The following GBP2 variants were observed in gnomAD, a reference collection of about 807,000 sequenced individuals.
The protein encoded by GBP2 is guanylate-binding protein 2.
In GBP2, 54 loss-of-function variants were observed where a neutral mutation model predicts 60.8. The observed-to-expected ratio is 0.89, with a 90% CI of 0.71 to 1.11. The LOEUF (loss-of-function observed/expected upper bound fraction) is 1.11. GBP2 is among the 50% of genes most tolerant of loss of function. The pLI is 0.00. For missense variants in GBP2, 665 were observed against 703.3 expected, an observed-to-expected ratio of 0.95 and a Z score of 0.62; for synonymous variants, 243 against 256.5, an observed-to-expected ratio of 0.95 and a Z score of 0.50.
intron 9 of GBP2, 97 bp downstream of exon 9, chr1:89,110,067 A>T (rs1570315778): frequency 5.0e-6 from 5 of 994,596 alleles, no homozygotes; most frequent in Non-Finnish European, 6.1e-6. Flanking sequence ...GATACTTGCC[A>T]TTCTTTCTCT....
chr1:89,111,966 T>A (rs989043542), intron 8 of GBP2, among the ~76,000 whole-genome samples: 1 of 152,034 alleles, frequency 6.6e-6, no homozygotes, highest in Non-Finnish European at 1.5e-5. Flanking sequence ...AGTAAAAAAA[T>A]AAAAAAATTA....
chr1:89,117,295 T>C lies in GBP2; in HGVS notation c.626-61A>G. ...AATTAATTACTTCAAATATGATCTT[T>C]CAATTTTATAATTTTCACAAAGCCC... On this transcript the variant is annotated intron_variant, in intron 5 of 10. Transcript: ENST00000370466. 2.8e-6 allele frequency: 4 copies of C among 1,412,524 alleles called. 1 individual carries two copies. In the South Asian group the frequency reaches 5.0e-5, roughly 18 times the overall value. The allele number at this position is 1,412,524 out of a possible 1,614,324, so 87.5% of individuals were successfully genotyped here.
chr1:89,125,068 C>T (rs942975269), intron 1 of GBP2, among the ~76,000 whole-genome samples: 2 of 152,152 alleles, frequency 1.3e-5, no homozygotes, highest in East Asian at 1.9e-4. Context: ...GAGCAAGAAG[C>T]CTTCCTGTAG....
chr1:89,119,753 A>G (rs946067714), intron 4 of GBP2: 1 of 158,214 alleles, frequency 6.3e-6, no homozygotes, highest in African/African-American at 2.4e-5. Flanking sequence ...TATGCAAGGT[A>G]TGGGATTAAA....
At position 89,114,273 on chromosome 1, in the gene GBP2, A is replaced by G. The variant is rs905771145; in HGVS notation, c.892T>C (p.Tyr298His). 6.2e-7 allele frequency: 1 copy of G among 1,614,152 alleles called. No homozygotes were observed. Among genetic ancestry groups the G allele is most frequent in the African/African-American group, 1.3e-5 (1 of 74,956 alleles). Residue 298 changes from tyrosine (Y) to histidine (H), a missense_variant, in exon 7 of 11, where the codon TAC (tyrosine) becomes CAC (histidine). Coordinates refer to ENST00000370466, the MANE Select transcript of GBP2 (RefSeq NM_004120.5). ...GPRLESLVLT[Y>H]VNAISSGDLP... ...TCCCCACTGCTGATGGCATTGACGTAGGTCAGCACCAGGCTCTCTAGACCT... is the reference window on the plus strand; with the variant it reads ...TCCCCACTGCTGATGGCATTGACGTGGGTCAGCACCAGGCTCTCTAGACCT...
intron 6 of GBP2, among the ~76,000 whole-genome samples, chr1:89,114,523 GGGCTGA>G (rs1260471354): frequency 2.0e-5 from 3 of 152,102 alleles, no homozygotes; most frequent in Non-Finnish European, 2.9e-5. Flanking sequence ...GGATATTTTG[GGGCTGA>G]GATACTAGGT....
intron 3 of GBP2, 84 bp downstream of exon 3, chr1:89,121,059 T>G: frequency 9.7e-7 from 1 of 1,027,086 alleles, no homozygotes. Context: ...GGAGTGATTG[T>G]GCAAAGATGG....
intron 2 of GBP2, 27 bp from the exon 3 acceptor site, chr1:89,121,297 A>G: frequency 6.4e-7 from 1 of 1,571,500 alleles, no homozygotes; most frequent in South Asian, 1.2e-5. Context: ...TAAAAGGGAA[A>G]AGAAATTACT....
chr1:89,108,990 G>C (rs1681107653), intron 10 of GBP2, among the ~76,000 whole-genome samples: 2 of 151,806 alleles, frequency 1.3e-5, no homozygotes, highest in Admixed American at 6.6e-5. Context: ...CCGCCTCCCA[G>C]GTTCAAGCGA....
intron 4 of GBP2, 105 bp from the exon 5 acceptor site, chr1:89,117,878 A>T: frequency 1.2e-6 from 1 of 844,824 alleles, no homozygotes; most frequent in Non-Finnish European, 1.8e-6. Flanking sequence ...TAGCTCATTC[A>T]TTCATTCACA....
intron 1 of GBP2, among the ~76,000 whole-genome samples, chr1:89,122,545 C>T (rs1049700758): frequency 1.3e-5 from 2 of 152,070 alleles, no homozygotes; most frequent in African/African-American, 4.8e-5. Context: ...TGAAGTTATA[C>T]ATTTTTTTTT....
At position 89,109,842 on chromosome 1, in the gene GBP2, T is replaced by C. The variant is rs747411568; in HGVS notation, c.1494A>G (p.Glu498=). 1 of 1,613,814 alleles carries C rather than the reference T, an allele frequency of 6.2e-7. No individual in the cohort carries two copies. Among genetic ancestry groups the C allele is most frequent in the Admixed American group, 1.7e-5 (1 of 60,024 alleles). Residue 498 remains glutamate (E), a synonymous_variant, in exon 10 of 11, where the codon GAA becomes GAG. Transcript: ENST00000370466. ...TTTCCTCCAACATTTTCTTTGCAGC[T>C]TCTGCAGATTCAGCCTTTATACGTT... ...EVERIKAESA[E]AAKKMLEEIQ...
chr1:89,124,420 T>G (rs1681473367), intron 1 of GBP2, among the ~76,000 whole-genome samples: 1 of 152,248 alleles, frequency 6.6e-6, no homozygotes, highest in Non-Finnish European at 1.5e-5. Context: ...TTTTCTGACT[T>G]AATTACAAAA....
intron 10 of GBP2, 42 bp from the exon 11 acceptor site, chr1:89,108,333 A>G (rs1443251740): frequency 2.4e-6 from 3 of 1,259,060 alleles, no homozygotes; most frequent in Admixed American, 3.7e-5. Context: ...AGCTTAACAC[A>G]TTTCCACCAG....
chr1:89,110,146 G>A lies in GBP2; in HGVS notation c.1465+18C>T, dbSNP rs757627951. On this transcript the variant is annotated intron_variant, in intron 9 of 10. Transcript: ENST00000370466. ...TGAGAGCTTTCCGACCATGTAGAGTGTTTTCAGCTGTTCTCACCTTCAATC... is the reference window on the plus strand; with the variant it reads ...TGAGAGCTTTCCGACCATGTAGAGTATTTTCAGCTGTTCTCACCTTCAATC... The A allele has an allele frequency of 3.2e-6, 5 of 1,569,852 alleles. No homozygotes were observed. Among genetic ancestry groups the A allele is most frequent in the Non-Finnish European group, 4.4e-6 (5 of 1,141,564 alleles).
rs1355718608 is a variant in GBP2, at chr1:89,114,055, A to G, written c.1110T>C (p.Ser370=). 3.1e-6 allele frequency: 5 copies of G among 1,614,246 alleles called. No homozygotes were observed. Among genetic ancestry groups the G allele is most frequent in the Admixed American group, 3.3e-5 (2 of 60,028 alleles). Residue 370 remains serine (S), a synonymous_variant, in exon 7 of 11, where the codon TCT becomes TCC. Coordinates refer to ENST00000370466, the MANE Select transcript of GBP2 (RefSeq NM_004120.5). ...REAIEVFMKN[S]FKDVDQMFQR... ...GGAACATTTGGTCCACATCCTTGAA[A>G]GAGTTCTTCATGAAGACTTCAATGG... is the stretch of plus-strand genomic sequence containing the variant.
At chr1:89,111,884 C>A (rs1023072895) in intron 8 of GBP2, among the ~76,000 whole-genome samples, 2 of 152,136 alleles carry the variant, frequency 1.3e-5, no homozygotes, top group African/African-American at 2.4e-5. Flanking sequence ...TTGTGCATTT[C>A]ATACTTATAT....
At chr1:89,111,164 A>C (rs114142533) in intron 8 of GBP2, among the ~76,000 whole-genome samples, 386 of 152,344 alleles carry the variant, frequency 2.5e-3, no homozygotes, top group South Asian at 4.6e-3. Context: ...CAACATAATA[A>C]AATCCATGTA....
At chr1:89,110,762 A>G (rs6700871) in intron 8 of GBP2, among the ~76,000 whole-genome samples, 96,485 of 152,066 alleles carry the variant, frequency 0.63, 31,136 homozygotes, top group East Asian at 0.78. Flanking sequence ...CACTGGGTAC[A>G]GTGTACACCA....
Sources: gnomAD v4.1 joint callset for allele counts (sites outside exome capture counted in the v4.1 genomes callset) on GRCh38, gnomAD v4.1.1 for gene constraint, MANE v1.5 for transcripts, NCBI Gene and HGNC (gene_info 2026-07-23, HGNC 2026-07-21) for gene names.